Variants in MTA1 observed in about 807,000 individuals in gnomAD.
The protein encoded by MTA1 is metastasis-associated protein MTA1.
A neutral mutation model predicts 97.0 loss-of-function variants in MTA1; 15 were observed. The ratio of observed to expected loss-of-function variants is 0.15; its 90% CI spans 0.10 to 0.24. The LOEUF (loss-of-function observed/expected upper bound fraction) is 0.24. Ranked by LOEUF, MTA1 falls within the 10% of genes least tolerant of loss-of-function variation. The pLI, the probability that MTA1 is intolerant of heterozygous loss-of-function variation, is 1.00. For missense variants in MTA1, 709 were observed against 1,015.1 expected (o/e 0.70, Z 4.10); for synonymous variants, 435 against 417.5 (o/e 1.04, Z -0.51).
chr14:105,454,643 G>A (rs1288332894), intron 7 of MTA1: 2 of 222,908 alleles, frequency 9.0e-6, no homozygotes, highest in Admixed American at 5.0e-5. Context: ...GTCTCGCTCT[G>A]TTGCCCAGGC....
intron 1 of MTA1, among the ~76,000 whole-genome samples, chr14:105,434,221 A>G (rs1555423945): frequency 2.6e-5 from 4 of 152,152 alleles, no homozygotes; most frequent in Non-Finnish European, 5.9e-5. Flanking sequence ...TGGAGTATTG[A>G]CTATCTGGAC....
intron 6 of MTA1, among the ~76,000 whole-genome samples, chr14:105,453,356 G>C (rs1479762252): frequency 6.6e-6 from 1 of 152,248 alleles, no homozygotes; most frequent in Admixed American, 6.5e-5. Context: ...TGCTGATAGG[G>C]ATGGCTTTGT....
rs373017007 is a variant in MTA1 at position 105,466,515 on chromosome 14, A to G, written c.1714A>G (p.Ile572Val). ...SLTPAKVAPV[I>V]NNGSPTILGK... ...GACGCCCGCCAAGGTGGCCCCCGTC[A>G]TCAACAACGGCTCCCCCACCATCCT... Residue 572 changes from isoleucine to valine, a missense_variant, in exon 17 of 21, where the codon ATC (isoleucine) becomes GTC (valine). Physicochemically the swap from Ile to Val is conservative, Grantham distance 29. Transcript: ENST00000331320. 1.5e-5 allele frequency: 23 copies of G among 1,515,418 alleles called. No homozygotes were observed. The highest frequency in any genetic ancestry group is 2.0e-5 in the Non-Finnish European group (23 of 1,127,100). 93.9% of individuals were successfully genotyped at this position (1,515,418 alleles called of 1,614,324 possible). A position where few individuals can be genotyped will look rare whatever the true frequency, so the allele number is the denominator to read the frequency against.
At chr14:105,461,833 G>A (rs993065506) in intron 10 of MTA1, among the ~76,000 whole-genome samples, 1 of 152,192 alleles carries the variant, frequency 6.6e-6, no homozygotes, top group Non-Finnish European at 1.5e-5. Flanking sequence ...GAGCTTGGCC[G>A]GGCGGGAGGA....
chr14:105,463,983 G>A lies in MTA1; in HGVS notation c.1077-49G>A, dbSNP rs782528288. The A allele has an allele frequency of 2.3e-5, 36 of 1,590,268 alleles. No individual in the cohort carries two copies. Among genetic ancestry groups the A allele is most frequent in the African/African-American group, 2.7e-5 (2 of 74,650 alleles). Reference sequence around the variant, plus strand: ...GTGCCTGCTGGGCACATGGGCCCTCGAGGTTTGTGCTCCTGCAACTCCTCT... The same window carrying A: ...GTGCCTGCTGGGCACATGGGCCCTCAAGGTTTGTGCTCCTGCAACTCCTCT... On this transcript the variant is annotated intron_variant, in intron 12 of 20. Coordinates refer to ENST00000331320, the MANE Select transcript of MTA1 (RefSeq NM_004689.4). The surrounding 1 kb of genome is among the most constrained non-coding windows in gnomAD (Gnocchi z 5.9).
intron 2 of MTA1, among the ~76,000 whole-genome samples, chr14:105,444,524 T>C (rs1178873421): frequency 2.0e-5 from 3 of 151,878 alleles, no homozygotes; most frequent in African/African-American, 7.3e-5. Context: ...CTGGGTGCTG[T>C]TTACACCTGT....
At chr14:105,457,494 G>A (rs1011164893) in intron 7 of MTA1, among the ~76,000 whole-genome samples, 11 of 152,234 alleles carry the variant, frequency 7.2e-5, no homozygotes, top group African/African-American at 2.4e-4. Flanking sequence ...CTTAGCCGCA[G>A]CTGCCCCAGA....
chr14:105,432,956 G>A (rs1222743176), intron 1 of MTA1, among the ~76,000 whole-genome samples: 3 of 152,126 alleles, frequency 2.0e-5, no homozygotes, highest in Non-Finnish European at 1.5e-5. Context: ...GGGAGCTCCC[G>A]CCTGAGCTTC....
intron 8 of MTA1, among the ~76,000 whole-genome samples, chr14:105,459,086 A>G (rs879966813): frequency 2.3e-3 from 136 of 59,682 alleles, no homozygotes; most frequent in Middle Eastern, 0.012. Context: ...CGTGCTGCCC[A>G]TGGCCCCTGG....
At position 105,420,112 on chromosome 14, in the gene MTA1, C is replaced by G; in HGVS notation, c.28+49C>G. On this transcript the variant is annotated intron_variant, in intron 1 of 20. Transcript: ENST00000331320. This position sits in a 1 kb window ranked among gnomAD's most constrained non-coding sequence, Gnocchi z 5.3. ...CCGGCCCCGACCCGCCCGCAGCCCCCACCCGCCGCCGCTGCCGCCTCCCCC... is the reference window on the plus strand; with the variant it reads ...CCGGCCCCGACCCGCCCGCAGCCCCGACCCGCCGCCGCTGCCGCCTCCCCC... 2.1e-6 allele frequency: 2 copies of G among 949,418 alleles called. No homozygotes were observed. 58.8% of individuals were successfully genotyped at this position (949,418 alleles called of 1,614,324 possible).
chr14:105,438,881 G>A (rs967013824), intron 2 of MTA1, 142 bp downstream of exon 2: 18 of 789,394 alleles, frequency 2.3e-5, no homozygotes, highest in Middle Eastern at 3.8e-4. Context: ...CAGTGACTCC[G>A]TCCACTGTCA....
chr14:105,464,360 C>G (rs2083480944), intron 13 of MTA1, 56 bp from the exon 14 acceptor site: 5 of 1,599,974 alleles, frequency 3.1e-6, no homozygotes, highest in Middle Eastern at 1.9e-4. Context: ...GGGGAATACT[C>G]TGACATCGCT....
chr14:105,466,808 C>T (rs1169442958), intron 18 of MTA1, 66 bp downstream of exon 18: 19 of 1,510,906 alleles, frequency 1.3e-5, no homozygotes, highest in South Asian at 2.4e-5. Flanking sequence ...CTGTGCTGCT[C>T]TGTGTCCCCG....
At chr14:105,458,698 C>T (rs587739798) in intron 8 of MTA1, among the ~76,000 whole-genome samples, 2 of 152,304 alleles carry the variant, frequency 1.3e-5, no homozygotes, top group South Asian at 4.1e-4. Flanking sequence ...TGGGCCTGGT[C>T]ATGGAGCAGA....
At chr14:105,466,604 T>C (rs1555432931) in intron 17 of MTA1, 26 bp downstream of exon 17, 4 of 1,565,654 alleles carry the variant, frequency 2.6e-6, no homozygotes, top group South Asian at 2.3e-5. Flanking sequence ...GCCCGGTGAG[T>C]GTGGCCCTCC....
chr14:105,450,525 C>T (rs913078472), intron 6 of MTA1, among the ~76,000 whole-genome samples: 2 of 152,218 alleles, frequency 1.3e-5, no homozygotes, highest in African/African-American at 4.8e-5. Context: ...CCTACGCGTC[C>T]AGAGTTGTGG....
intron 18 of MTA1, among the ~76,000 whole-genome samples, chr14:105,468,645 G>A (rs1212358136): frequency 2.6e-5 from 4 of 152,204 alleles, no homozygotes; most frequent in African/African-American, 9.7e-5. Context: ...AGCGTTTCTG[G>A]AGCTGGCAGG....
intron 1 of MTA1, among the ~76,000 whole-genome samples, chr14:105,435,477 G>A (rs1464692369): frequency 2.6e-5 from 4 of 152,102 alleles, no homozygotes; most frequent in Admixed American, 2.0e-4. Flanking sequence ...TTTTAGAGAT[G>A]GGGTCCTGTG....
intron 1 of MTA1, among the ~76,000 whole-genome samples, chr14:105,434,264 C>T (rs879977357): frequency 1.3e-5 from 2 of 152,174 alleles, no homozygotes; most frequent in Non-Finnish European, 2.9e-5. Context: ...TGTATTTTAA[C>T]CCTTGACACC....
Sources: gnomAD v4.1 joint callset for allele counts (sites outside exome capture counted in the v4.1 genomes callset) on GRCh38, gnomAD v4.1.1 for gene constraint, Gnocchi (gnomAD v3.1) non-coding constraint, MANE v1.5 for transcripts, NCBI Gene and HGNC (gene_info 2026-07-23, HGNC 2026-07-21) for gene names.